TRPS1: variants seen among roughly 807,000 people sequenced by gnomAD.
TRPS1 encodes transcriptional repressor GATA binding 1.
A neutral mutation model predicts 101.2 loss-of-function variants in TRPS1; 6 were observed. That is an observed-to-expected ratio of 0.06 (90% CI 0.03 to 0.12). The LOEUF is 0.12. Among genes scored for constraint, TRPS1 ranks in the 10% least tolerant of loss-of-function variants. The probability of loss-of-function intolerance (pLI) is 1.00; values close to 1 mark genes in which losing one functional copy is unlikely to be tolerated. For synonymous variants in TRPS1, 578 were observed against 589.8 expected (o/e 0.98, Z 0.29); for missense variants, 1,363 against 1,567.0 (o/e 0.87, Z 2.20).
Position 115,568,738 on chromosome 8 carries a change from C to T in TRPS1, c.2700+18263G>A, listed in dbSNP as rs147318275. Among the ~76,000 whole-genome samples the T allele has an allele frequency of 1.7e-3, 258 of 152,196 alleles. 1 individual carries two copies. Among genetic ancestry groups the T allele is most frequent in the African/African-American group, 5.8e-3 (239 of 41,546 alleles). The stretch of plus-strand genomic sequence containing the variant: ...ATATAGAAATTTAATGATTACATAA[C>T]TTCAACCATATCAGCAAATACACTT... On this transcript the variant is annotated intron_variant, in intron 5 of 6. Coordinates refer to ENST00000395715, the MANE Select transcript of TRPS1 (RefSeq NM_014112.5).
chr8:115,451,080 T>C (rs1247996792), intron 5 of TRPS1, among the ~76,000 whole-genome samples: 2 of 152,212 alleles, frequency 1.3e-5, no homozygotes, highest in Admixed American at 1.3e-4. Flanking sequence ...TTACTTTTAA[T>C]GTTATTTACA....
intron 3 of TRPS1, among the ~76,000 whole-genome samples, chr8:115,611,458 A>G (rs939834820): frequency 1.3e-5 from 2 of 152,228 alleles, no homozygotes; most frequent in Non-Finnish European, 2.9e-5. Context: ...TAACATGTCT[A>G]TGGTTTAGCA....
chr8:115,520,734 CT>C (rs66517218), intron 5 of TRPS1, among the ~76,000 whole-genome samples: 151,844 of 151,850 alleles, frequency 1, 75,919 homozygotes, highest in Middle Eastern at 1. Context: ...AGTTCTTAGA[CT>C]TCTGTGAAGT....
chr8:115,649,506 C>G (rs919782533), intron 1 of TRPS1, among the ~76,000 whole-genome samples: 1 of 152,120 alleles, frequency 6.6e-6, no homozygotes, highest in African/African-American at 2.4e-5. Flanking sequence ...CAGTTTCTAT[C>G]TCAAGTGAAG....
rs1812769662 is a variant in TRPS1 at position 115,410,747 on chromosome 8, T to C, written c.*3276A>G. The stretch of plus-strand genomic sequence containing the variant: ...CATGAGCTGGTCCTGGCCTAAAGTT[T>C]GATCCAAAGCTCAATTTAGAATATA... On this transcript the variant is annotated 3_prime_UTR_variant, in exon 7 of 7. Transcript: ENST00000395715. 1 of 152,514 alleles carries C rather than the reference T, an allele frequency of 6.6e-6. No individual in the cohort carries two copies. Among genetic ancestry groups the C allele is most frequent in the Admixed American group, 6.6e-5 (1 of 15,232 alleles). The allele number at this position is 152,514 out of a possible 1,614,324, so 9.4% of individuals were successfully genotyped here. A position where few individuals can be genotyped will look rare whatever the true frequency, so the allele number is the denominator to read the frequency against.
chr8:115,539,577 T>A (rs756571916), intron 5 of TRPS1, among the ~76,000 whole-genome samples: 2 of 151,982 alleles, frequency 1.3e-5, no homozygotes, highest in African/African-American at 4.8e-5. Flanking sequence ...TGGTGGCTCA[T>A]GCCTGTAATT....
chr8:115,600,405 T>C (rs1486717640), intron 4 of TRPS1, among the ~76,000 whole-genome samples: 2 of 152,172 alleles, frequency 1.3e-5, no homozygotes, highest in African/African-American at 4.8e-5. Context: ...GGAGTACTTT[T>C]CTACAGACAA....
intron 5 of TRPS1, among the ~76,000 whole-genome samples, chr8:115,531,181 C>T (rs1816122202): frequency 6.6e-6 from 1 of 152,076 alleles, no homozygotes; most frequent in Admixed American, 6.6e-5. Context: ...AACAAGATAA[C>T]TGCAAAAACG....
intron 1 of TRPS1, among the ~76,000 whole-genome samples, chr8:115,632,380 G>C (rs1369570472): frequency 6.6e-6 from 1 of 151,912 alleles, no homozygotes; most frequent in Non-Finnish European, 1.5e-5. Context: ...AACATAAAAA[G>C]AATACAGAAA....
intron 5 of TRPS1, among the ~76,000 whole-genome samples, chr8:115,419,879 C>CT (rs1813010055): frequency 6.6e-6 from 1 of 152,152 alleles, no homozygotes; most frequent in East Asian, 1.9e-4. Flanking sequence ...CCTGCTCACT[C>CT]TAACATTCGA....
chr8:115,617,034 C>T (rs1818290794), intron 3 of TRPS1, among the ~76,000 whole-genome samples: 1 of 152,178 alleles, frequency 6.6e-6, no homozygotes, highest in Non-Finnish European at 1.5e-5. Context: ...ATGTGCAAAG[C>T]ATTCAAGATT....
At chr8:115,437,300 C>T (rs3808406) in intron 5 of TRPS1, among the ~76,000 whole-genome samples, 39,444 of 152,226 alleles carry the variant, frequency 0.26, 6,332 homozygotes, top group Middle Eastern at 0.46. Context: ...ACCCCCATGA[C>T]GGGTGCCATG....
At chr8:115,546,087 A>G (rs910697969) in intron 5 of TRPS1, among the ~76,000 whole-genome samples, 2 of 152,048 alleles carry the variant, frequency 1.3e-5, no homozygotes, top group Admixed American at 1.3e-4. Flanking sequence ...TTAAGCTAGC[A>G]TTATTTATAT....
intron 5 of TRPS1, among the ~76,000 whole-genome samples, chr8:115,477,971 T>TCTTCCATTCTCCTCCCTTTCTCC (rs1814647537): frequency 2.0e-5 from 3 of 152,306 alleles, no homozygotes; most frequent in Non-Finnish European, 4.4e-5. Flanking sequence ...TCCCTTTCTC[T>TCTTCCATTCTCCTCCCTTTCTCC]CTTCCATTCT....
chr8:115,521,749 C>T (rs1815868094), intron 5 of TRPS1, among the ~76,000 whole-genome samples: 1 of 151,862 alleles, frequency 6.6e-6, no homozygotes, highest in African/African-American at 2.4e-5. Flanking sequence ...GATACAACCT[C>T]AGAGCATTCT....
At chr8:115,518,454 A>G (rs182896437) in intron 5 of TRPS1, among the ~76,000 whole-genome samples, 141 of 151,942 alleles carry the variant, frequency 9.3e-4, no homozygotes, top group African/African-American at 3.3e-3. Context: ...CACAAATATT[A>G]TGCTATTTTC....
At chr8:115,457,945 T>G (rs1289690908) in intron 5 of TRPS1, among the ~76,000 whole-genome samples, 1 of 152,060 alleles carries the variant, frequency 6.6e-6, no homozygotes, top group East Asian at 1.9e-4. Context: ...CTGCAGGAAG[T>G]GTGGAATATA....
intron 5 of TRPS1, among the ~76,000 whole-genome samples, chr8:115,469,431 A>AATGAATG (rs771382167): frequency 1.2e-4 from 19 of 152,198 alleles, no homozygotes; most frequent in Non-Finnish European, 5.9e-5. Context: ...ATAATGCCAC[A>AATGAATG]ATGAATGAGC....
chr8:115,637,612 C>G (rs1371955297), intron 1 of TRPS1, among the ~76,000 whole-genome samples: 1 of 152,108 alleles, frequency 6.6e-6, no homozygotes, highest in African/African-American at 2.4e-5. Flanking sequence ...TTATGACTAT[C>G]AATATTTTAT....
Sources: gnomAD v4.1 joint callset for allele counts (sites outside exome capture counted in the v4.1 genomes callset) on GRCh38, gnomAD v4.1.1 for gene constraint, MANE v1.5 for transcripts, NCBI Gene and HGNC (gene_info 2026-07-23, HGNC 2026-07-21) for gene names.